Variants in SEMA5A observed in about 807,000 individuals in gnomAD.
SEMA5A encodes the protein semaphorin 5A.
A neutral mutation model predicts 135.5 loss-of-function variants in SEMA5A; 55 were observed. That is an observed-to-expected ratio of 0.41 (90% CI 0.33 to 0.51). SEMA5A has a LOEUF of 0.51. SEMA5A is among the 20% of genes least tolerant of loss of function. The pLI is 0.37. For missense variants in SEMA5A, 1,290 were observed against 1,419.9 expected, an observed-to-expected ratio of 0.91 and a Z score of 1.47; for synonymous variants, 580 against 546.5, an observed-to-expected ratio of 1.06 and a Z score of -0.85.
chr5:9,237,573 T>C (rs1747977764), intron 6 of SEMA5A: 1 of 328,364 alleles, frequency 3.0e-6, no homozygotes, highest in Non-Finnish European at 5.5e-6. Context: ...TTTCTTATCT[T>C]AGTCTAATGA....
chr5:9,356,629 C>T (rs1020485776), intron 3 of SEMA5A, among the ~76,000 whole-genome samples: 1 of 152,168 alleles, frequency 6.6e-6, no homozygotes, highest in Non-Finnish European at 1.5e-5. Flanking sequence ...GGAAGTTGTG[C>T]AGCAGGATGG....
At chr5:9,391,607 G>A (rs934837418) in intron 2 of SEMA5A, among the ~76,000 whole-genome samples, 4 of 152,010 alleles carry the variant, frequency 2.6e-5, no homozygotes, top group African/African-American at 9.7e-5. Context: ...AGCAAATCCC[G>A]TCACTACTTC....
chr5:9,112,283 T>G (rs76580732), intron 15 of SEMA5A, among the ~76,000 whole-genome samples: 2 of 152,204 alleles, frequency 1.3e-5, no homozygotes, highest in African/African-American at 4.8e-5. Flanking sequence ...CTTTTATAAT[T>G]CCATATGGAC....
At chr5:9,447,929 C>A (rs932807069) in intron 1 of SEMA5A, among the ~76,000 whole-genome samples, 3 of 152,284 alleles carry the variant, frequency 2.0e-5, no homozygotes, top group South Asian at 2.1e-4. Flanking sequence ...TGCCAGCTGC[C>A]TTTGATTAGT....
intron 3 of SEMA5A, among the ~76,000 whole-genome samples, chr5:9,374,022 T>A (rs1755251326): frequency 6.6e-6 from 1 of 152,174 alleles, no homozygotes; most frequent in Non-Finnish European, 1.5e-5. Context: ...TCTTGAAGGG[T>A]CACTATTTTT....
chr5:9,115,102 T>C (rs189210335), intron 15 of SEMA5A, among the ~76,000 whole-genome samples: 2 of 152,308 alleles, frequency 1.3e-5, no homozygotes, highest in East Asian at 3.9e-4. Flanking sequence ...TGGAGTAACC[T>C]TGTAGAAATC....
chr5:9,386,134 G>T (rs1056484039), intron 2 of SEMA5A, among the ~76,000 whole-genome samples: 1 of 152,072 alleles, frequency 6.6e-6, no homozygotes, highest in South Asian at 2.1e-4. Context: ...TTTTGCATTT[G>T]TTCTTTCCAT....
intron 11 of SEMA5A, 45 bp downstream of exon 11, chr5:9,190,222 T>A (rs761990949): frequency 5.7e-6 from 9 of 1,579,328 alleles, no homozygotes; most frequent in African/African-American, 2.7e-5. Context: ...AAACACAAAA[T>A]CAGAAGATGG....
chr5:9,273,296 G>A (rs939152452), intron 5 of SEMA5A, among the ~76,000 whole-genome samples: 10 of 152,048 alleles, frequency 6.6e-5, no homozygotes, highest in African/African-American at 2.4e-4. Context: ...GAAAAAAGAA[G>A]TGAAAAGAAA....
rs894543224 is a variant in SEMA5A at position 9,312,858 on chromosome 5, G to A, written c.270+5514C>T. On this transcript the variant is annotated intron_variant, in intron 5 of 22. Transcript: ENST00000382496. ...CTTGGAAGTGAGTTTTCTCCTTTGG[G>A]AGCCACCCCACAAAAGCCTATTTTT... Among the ~76,000 whole-genome samples the A allele has an allele frequency of 1.5e-4, 23 of 152,088 alleles. 1 individual carries two copies. The highest frequency in any genetic ancestry group is 5.6e-4 in the African/African-American group (23 of 41,408).
At chr5:9,220,210 T>C (rs1442765310) in intron 8 of SEMA5A, among the ~76,000 whole-genome samples, 1 of 152,060 alleles carries the variant, frequency 6.6e-6, no homozygotes, top group African/African-American at 2.4e-5. Flanking sequence ...GTGGGAAAGG[T>C]TGGCAGGGGA....
chr5:9,161,127 G>A (rs1470196877), intron 11 of SEMA5A, among the ~76,000 whole-genome samples: 3 of 93,842 alleles, frequency 3.2e-5, no homozygotes, highest in Non-Finnish European at 5.8e-5. Context: ...TTTTTTAGTG[G>A]GGAATTTTTT....
intron 1 of SEMA5A, among the ~76,000 whole-genome samples, chr5:9,507,142 T>C (rs1397997145): frequency 6.6e-6 from 1 of 152,234 alleles, no homozygotes; most frequent in Non-Finnish European, 1.5e-5. Flanking sequence ...GGTTTAATCA[T>C]GTTTTCTCAC....
chr5:9,398,975 GA>G (rs1440365490), intron 2 of SEMA5A, among the ~76,000 whole-genome samples: 1 of 152,106 alleles, frequency 6.6e-6, no homozygotes, highest in East Asian at 1.9e-4. Flanking sequence ...CATCATCAAA[GA>G]AAACGCCACA....
chr5:9,248,875 T>G (rs1263840684), intron 5 of SEMA5A, among the ~76,000 whole-genome samples: 2 of 152,190 alleles, frequency 1.3e-5, no homozygotes, highest in Non-Finnish European at 2.9e-5. Context: ...TAAGAATTAA[T>G]TTGGACTCCT....
intron 13 of SEMA5A, among the ~76,000 whole-genome samples, chr5:9,125,801 G>A (rs904436505): frequency 1.3e-5 from 2 of 151,772 alleles, no homozygotes; most frequent in African/African-American, 2.4e-5. Context: ...CACTAATACA[G>A]AAGATTCTGT....
chr5:9,115,665 G>T (rs776338285), intron 15 of SEMA5A, among the ~76,000 whole-genome samples: 1 of 152,156 alleles, frequency 6.6e-6, no homozygotes, highest in Non-Finnish European at 1.5e-5. Context: ...GGATAAGACT[G>T]AGGGACCTTG....
At chr5:9,455,600 C>A (rs1252492864) in intron 1 of SEMA5A, among the ~76,000 whole-genome samples, 2 of 152,164 alleles carry the variant, frequency 1.3e-5, no homozygotes, top group Non-Finnish European at 2.9e-5. Flanking sequence ...GACTAGGAAG[C>A]AGTATGTCAA....
At chr5:9,341,744 A>G (rs28542515) in intron 3 of SEMA5A, among the ~76,000 whole-genome samples, 1 of 150,164 alleles carries the variant, frequency 6.7e-6, no homozygotes, top group South Asian at 2.1e-4. Context: ...CACTTGATAG[A>G]TAATTCATAA....
Sources: gnomAD v4.1 joint callset for allele counts (sites outside exome capture counted in the v4.1 genomes callset) on GRCh38, gnomAD v4.1.1 for gene constraint, MANE v1.5 for transcripts, NCBI Gene and HGNC (gene_info 2026-07-23, HGNC 2026-07-21) for gene names.